DVL3: variants seen among roughly 807,000 people sequenced by gnomAD.
The protein encoded by DVL3 is segment polarity protein dishevelled homolog DVL-3.
In DVL3, 27 loss-of-function variants were observed where a neutral mutation model predicts 67.4. That is an observed-to-expected ratio of 0.40 (90% CI 0.30 to 0.55). The LOEUF (loss-of-function observed/expected upper bound fraction) is 0.55, where lower values mean the gene tolerates loss of function less well. Among genes scored for constraint, DVL3 ranks in the 20% least tolerant of loss-of-function variants. DVL3 has a pLI of 0.46. For synonymous variants in DVL3, 369 were observed against 396.8 expected (o/e 0.93, Z 0.83); for missense variants, 819 against 1,021.5 (o/e 0.80, Z 2.70).
intron 1 of DVL3, among the ~76,000 whole-genome samples, chr3:184,158,178 A>T (rs1242388658): frequency 2.0e-5 from 3 of 152,050 alleles, no homozygotes; most frequent in East Asian, 1.9e-4. Flanking sequence ...CTACAAAAAA[A>T]TTTTTTAATT....
In DVL3 at chr3:184,172,822, G is replaced by A. The variant is rs1297235718; in HGVS notation, c.*2067G>A. The A allele has an allele frequency of 6.6e-6, 1 of 152,208 alleles. No individual in the cohort carries two copies. The highest frequency in any genetic ancestry group is 1.5e-5 in the Non-Finnish European group (1 of 68,058). The allele number at this position is 152,208 out of a possible 1,614,324, so 9.4% of individuals were successfully genotyped here. A position where few individuals can be genotyped will look rare whatever the true frequency, so the allele number is the denominator to read the frequency against. On this transcript the variant is annotated 3_prime_UTR_variant, in exon 15 of 15. Coordinates refer to ENST00000313143, the MANE Select transcript of DVL3 (RefSeq NM_004423.4). The stretch of plus-strand genomic sequence containing the variant: ...TGTGACTCAATCTTGCCTGCCTTCT[G>A]GGAGCTCTAGAATTGTTCCCAACCC...
At chr3:184,161,146 G>C (rs1052503993) in intron 1 of DVL3, among the ~76,000 whole-genome samples, 1 of 152,198 alleles carries the variant, frequency 6.6e-6, no homozygotes, top group African/African-American at 2.4e-5. Flanking sequence ...AACAAGGGGG[G>C]CCAGGCACGG....
rs1045819771 is a variant in DVL3 at position 184,163,287 on chromosome 3, G to A, written c.162-370G>A. Among the ~76,000 whole-genome samples the A allele has an allele frequency of 2.6e-5, 4 of 152,090 alleles. No homozygotes were observed. The highest frequency in any genetic ancestry group is 5.9e-5 in the Non-Finnish European group (4 of 68,036). ...AAAGGAAGGACAGTTATAATTGTATGCTTTTTTCCAATTAGGGATCAGAGG... is the reference window on the plus strand; with the variant it reads ...AAAGGAAGGACAGTTATAATTGTATACTTTTTTCCAATTAGGGATCAGAGG... On this transcript the variant is annotated intron_variant, in intron 1 of 14. Transcript: ENST00000313143. This position sits in a 1 kb window ranked among gnomAD's most constrained non-coding sequence, Gnocchi z 4.5.
Position 184,173,143 on chromosome 3 carries a change from T to A in DVL3, c.*2388T>A, listed in dbSNP as rs527411079. The A allele has an allele frequency of 3.3e-5, 5 of 152,424 alleles. No individual in the cohort carries two copies. Among genetic ancestry groups the A allele is most frequent in the African/African-American group, 1.2e-4 (5 of 41,570 alleles). The allele number at this position is 152,424 out of a possible 1,614,324, so 9.4% of individuals were successfully genotyped here. A position where few individuals can be genotyped will look rare whatever the true frequency, so the allele number is the denominator to read the frequency against. ...GTATTGGTATTACCTACTGGACATC[T>A]CTATGGACAGTTCCGTATAGACTCA... On this transcript the variant is annotated 3_prime_UTR_variant, in exon 15 of 15. Coordinates refer to ENST00000313143, the MANE Select transcript of DVL3 (RefSeq NM_004423.4).
At position 184,155,559 on chromosome 3, in the gene DVL3, C is replaced by T; in HGVS notation, c.-77C>T. On this transcript the variant is annotated 5_prime_UTR_variant, in exon 1 of 15. Coordinates refer to ENST00000313143, the MANE Select transcript of DVL3 (RefSeq NM_004423.4). The surrounding 1 kb of genome is among the most constrained non-coding windows in gnomAD (Gnocchi z 5.4). Reference sequence around the variant, plus strand: ...GGTTGAGCCGCTGGGCCGCGCCGCGCGCCGCCGCCGTCTGGGAGGCTCGGC... The same window carrying T: ...GGTTGAGCCGCTGGGCCGCGCCGCGTGCCGCCGCCGTCTGGGAGGCTCGGC... The T allele has an allele frequency of 1.1e-6, 1 of 937,174 alleles. No individual in the cohort carries two copies. The highest frequency in any genetic ancestry group is 1.3e-6 in the Non-Finnish European group (1 of 784,064). The allele number at this position is 937,174 out of a possible 1,614,324, so 58.1% of individuals were successfully genotyped here.
intron 1 of DVL3, chr3:184,156,489 G>A: frequency 6.6e-6 from 3 of 456,688 alleles, no homozygotes; most frequent in Non-Finnish European, 1.3e-5. Flanking sequence ...TCCTCCAGTT[G>A]GTGGCCAGTG....
intron 1 of DVL3, chr3:184,157,207 T>A (rs578256090): frequency 6.6e-6 from 1 of 152,580 alleles, no homozygotes; most frequent in South Asian, 2.1e-4. Context: ...CAGACACCTC[T>A]AATTGGAAGA....
chr3:184,159,456 C>T (rs1299822017), intron 1 of DVL3, among the ~76,000 whole-genome samples: 7 of 102,066 alleles, frequency 6.9e-5, no homozygotes, highest in Non-Finnish European at 1.5e-4. Context: ...CTCTGCCTCC[C>T]GGGTTCAAAC....
chr3:184,169,417 G>A (rs1475568036), intron 13 of DVL3, among the ~76,000 whole-genome samples: 5 of 152,184 alleles, frequency 3.3e-5, no homozygotes, highest in Non-Finnish European at 7.3e-5. Flanking sequence ...TTTGCAGGCC[G>A]GGCGCAGTGG....
Position 184,156,328 on chromosome 3 carries a change from G to T in DVL3, c.161+532G>T, listed in dbSNP as rs752200901. 5.8e-4 allele frequency: 263 copies of T among 456,524 alleles called. 2 individuals carry two copies. Among genetic ancestry groups the T allele is most frequent in the Middle Eastern group, 4.6e-3 (14 of 3,038 alleles). 28.3% of individuals were successfully genotyped at this position (456,524 alleles called of 1,614,324 possible). On this transcript the variant is annotated intron_variant, in intron 1 of 14. Transcript: ENST00000313143. ...CGGGGGTGCTCGGGCGCCTGGCCGC[G>T]AGCGGGGTCTGCAGATCTGATGTTT...
At chr3:184,169,966 T>C (rs764205129) in intron 13 of DVL3, 40 bp from the exon 14 acceptor site, 1 of 1,538,230 alleles carries the variant, frequency 6.5e-7, no homozygotes, top group Admixed American at 1.9e-5. Context: ...GGGACCTCTC[T>C]CCGGAAAGAC....
At position 184,164,738 on chromosome 3, in the gene DVL3, C is replaced by T. The variant is rs1714513111; in HGVS notation, c.464-58C>T. The T allele has an allele frequency of 1.9e-6, 3 of 1,610,448 alleles. No homozygotes were observed. The highest frequency in any genetic ancestry group is 2.5e-6 in the Non-Finnish European group (3 of 1,177,644). ...AGTGCAGCCCCTGGCTTGCCTCTCT[C>T]CCTCCTTCACCCCTGCACTGGGCAC... is the stretch of plus-strand genomic sequence containing the variant. On this transcript the variant is annotated intron_variant, in intron 4 of 14. Coordinates refer to ENST00000313143, the MANE Select transcript of DVL3 (RefSeq NM_004423.4). The surrounding 1 kb of genome is among the most constrained non-coding windows in gnomAD (Gnocchi z 5.3).
At position 184,164,189 on chromosome 3, in the gene DVL3, A is replaced by T; in HGVS notation, c.232-78A>T. 1 of 1,534,446 alleles carries T rather than the reference A, an allele frequency of 6.5e-7. No homozygotes were observed. Among genetic ancestry groups the T allele is most frequent in the Non-Finnish European group, 8.9e-7 (1 of 1,125,060 alleles). On this transcript the variant is annotated intron_variant, in intron 2 of 14. Coordinates refer to ENST00000313143, the MANE Select transcript of DVL3 (RefSeq NM_004423.4). The surrounding 1 kb of genome is among the most constrained non-coding windows in gnomAD (Gnocchi z 5.3). The stretch of plus-strand genomic sequence containing the variant: ...CCTGCTTCCTTCCTCTTAGGCCTTC[A>T]TGCCTTGCTGGAAGTGAACTATCCC...
chr3:184,169,403 G>C (rs1187068389), intron 13 of DVL3, among the ~76,000 whole-genome samples: 1 of 152,182 alleles, frequency 6.6e-6, no homozygotes, highest in African/African-American at 2.4e-5. Flanking sequence ...GGCCACATAA[G>C]AGTTTTGCAG....
chr3:184,164,668 C>A lies in DVL3; in HGVS notation c.463+67C>A. 6 of 1,555,952 alleles carry A rather than the reference C, an allele frequency of 3.9e-6. No individual in the cohort carries two copies. The South Asian group carries it at 6.1e-5, about 16-fold the overall frequency. ...CTCCCCTCACTTTCCACCCAGCTACCCACCTTCTTGCCCTACTTCCCGAGC... is the reference window on the plus strand; with the variant it reads ...CTCCCCTCACTTTCCACCCAGCTACACACCTTCTTGCCCTACTTCCCGAGC... On this transcript the variant is annotated intron_variant, in intron 4 of 14. Transcript: ENST00000313143. The surrounding 1 kb of genome is among the most constrained non-coding windows in gnomAD (Gnocchi z 5.3).
intron 13 of DVL3, 83 bp downstream of exon 13, chr3:184,168,148 A>T (rs772775271): frequency 1.1e-4 from 173 of 1,507,648 alleles, no homozygotes; most frequent in Non-Finnish European, 6.4e-5. Flanking sequence ...GACTCTGGGG[A>T]ACCCAAACTG....
rs1429220997 is a variant in DVL3 at position 184,172,075 on chromosome 3, T to G, written c.*1320T>G. On this transcript the variant is annotated 3_prime_UTR_variant, in exon 15 of 15. Transcript: ENST00000313143. ...CTGGATAAAGCCCATAAGCTGGGTC[T>G]CAGGCTGGGCTCAGCAAAGGACTCG... The G allele has an allele frequency of 6.6e-6, 1 of 152,536 alleles. No homozygotes were observed. Among genetic ancestry groups the G allele is most frequent in the Non-Finnish European group, 1.5e-5 (1 of 68,108 alleles). The allele number at this position is 152,536 out of a possible 1,614,324, so 9.4% of individuals were successfully genotyped here.
At position 184,163,539 on chromosome 3, in the gene DVL3, G is replaced by A. The variant is rs1055918984; in HGVS notation, c.162-118G>A. ...CCCAACCTCTGCTTTCATTTGAACA[G>A]TCTTGTGCTGGTGGTTTGATTCCCA... On this transcript the variant is annotated intron_variant, in intron 1 of 14. Transcript: ENST00000313143. The surrounding 1 kb of genome is among the most constrained non-coding windows in gnomAD (Gnocchi z 4.5). 2.4e-5 allele frequency: 22 copies of A among 920,680 alleles called. No homozygotes were observed. The African/African-American group carries it at 3.2e-4, about 14-fold the overall frequency. 57.0% of individuals were successfully genotyped at this position (920,680 alleles called of 1,614,324 possible). A position where few individuals can be genotyped will look rare whatever the true frequency, so the allele number is the denominator to read the frequency against.
intron 1 of DVL3, among the ~76,000 whole-genome samples, chr3:184,158,179 T>C (rs1444089544): frequency 6.6e-6 from 1 of 152,036 alleles, no homozygotes; most frequent in South Asian, 2.1e-4. Flanking sequence ...TACAAAAAAA[T>C]TTTTTAATTA....
Sources: gnomAD v4.1 joint callset for allele counts (sites outside exome capture counted in the v4.1 genomes callset) on GRCh38, gnomAD v4.1.1 for gene constraint, Gnocchi (gnomAD v3.1) non-coding constraint, MANE v1.5 for transcripts, NCBI Gene and HGNC (gene_info 2026-07-23, HGNC 2026-07-21) for gene names.